CLN6: variants seen among roughly 807,000 people sequenced by gnomAD.
The protein encoded by CLN6 is ceroid-lipofuscinosis neuronal protein 6.
In CLN6, 22 loss-of-function variants were observed where a neutral mutation model predicts 33.3. The ratio of observed to expected loss-of-function variants is 0.66; its 90% CI spans 0.47 to 0.94. The LOEUF is 0.94. Among genes scored for constraint, CLN6 ranks in the 40% least tolerant of loss-of-function variants. The pLI, the probability that CLN6 is intolerant of heterozygous loss-of-function variation, is 0.00. For synonymous variants in CLN6, 201 were observed against 174.6 expected (o/e 1.15, Z -1.19); for missense variants, 387 against 417.1 (o/e 0.93, Z 0.63).
In CLN6 at chr15:68,211,911, T is replaced by A; in HGVS notation, c.298-48A>T. The A allele has an allele frequency of 6.4e-7, 1 of 1,553,684 alleles. No individual in the cohort carries two copies. Among genetic ancestry groups the A allele is most frequent in the Non-Finnish European group, 8.9e-7 (1 of 1,128,398 alleles). On this transcript the variant is annotated intron_variant, in intron 3 of 6. Transcript: ENST00000249806. The surrounding 1 kb of genome is among the most constrained non-coding windows in gnomAD (Gnocchi z 5.9). ...CAGCATGACCCCACCTCTGTCACAG[T>A]ATGTGACACCCTCTGCTTCCCCCCT...
At position 68,251,859 on chromosome 15, in the gene CLN6, GGTT is replaced by G. The variant is rs1373815788; in HGVS notation, c.179+4828_179+4830del. ...TAGAATTAATAAGAGAGTCCAGCAA[GGTT>G]GTTAACTGCAAAAATGCAAAACTGG... On this transcript the variant is annotated intron_variant, in intron 1 of 6. Transcript: ENST00000538696. 2.6e-5 allele frequency among the ~76,000 whole-genome samples: 4 copies of G among 151,990 alleles called. No individual in the cohort carries two copies. The East Asian group carries it at 7.7e-4, about 29-fold the overall frequency.
chr15:68,237,299 G>A (rs1892230209), intron 1 of CLN6, among the ~76,000 whole-genome samples: 1 of 150,536 alleles, frequency 6.6e-6, no homozygotes, highest in Non-Finnish European at 1.5e-5. Flanking sequence ...GGGCAACATA[G>A]CGAGACCCCT....
rs1203183275 is a variant in CLN6 at position 68,209,776 on chromosome 15, A to G, written c.543-17T>C. On this transcript the variant is annotated splice_polypyrimidine_tract_variant and intron_variant, in intron 5 of 6. Transcript: ENST00000249806. The surrounding 1 kb of genome is among the most constrained non-coding windows in gnomAD (Gnocchi z 4.9). ...GGGATGTACCTGTGACAGGAAGGCCAGTGTCTTAGAGGCCTGCTCAGCGGC... is the reference window on the plus strand; with the variant it reads ...GGGATGTACCTGTGACAGGAAGGCCGGTGTCTTAGAGGCCTGCTCAGCGGC... The G allele has an allele frequency of 3.1e-6, 5 of 1,612,286 alleles. No homozygotes were observed.
At chr15:68,231,001 C>T (rs1320618160), upstream of CLN6, among the ~76,000 whole-genome samples, 1 of 152,236 alleles carries the variant, frequency 6.6e-6, no homozygotes, top group Non-Finnish European at 1.5e-5. Context: ...GCCTCAGATG[C>T]AAATGCAATG....
chr15:68,216,873 T>A (rs760786298), intron 2 of CLN6, among the ~76,000 whole-genome samples: 18 of 152,224 alleles, frequency 1.2e-4, no homozygotes, highest in Non-Finnish European at 2.5e-4. Context: ...TCTGGATATT[T>A]ATGTGACAGA....
At position 68,219,380 on chromosome 15, in the gene CLN6, C is replaced by A. The variant is rs2093229241; in HGVS notation, c.84-730G>T. 6.6e-6 allele frequency among the ~76,000 whole-genome samples: 1 copy of A among 152,150 alleles called. No individual in the cohort carries two copies. The highest frequency in any genetic ancestry group is 2.4e-5 in the African/African-American group (1 of 41,416). On this transcript the variant is annotated intron_variant, in intron 1 of 6. Coordinates refer to ENST00000249806, the MANE Select transcript of CLN6 (RefSeq NM_017882.3). This position sits in a 1 kb window ranked among gnomAD's most constrained non-coding sequence, Gnocchi z 4.2. Reference sequence around the variant, plus strand: ...ACTGTGAGGAGGTCAGGTTGGGCTGCTGGTAATCCTCTTCTCAGCAGTCCA... The same window carrying A: ...ACTGTGAGGAGGTCAGGTTGGGCTGATGGTAATCCTCTTCTCAGCAGTCCA...
upstream of CLN6, among the ~76,000 whole-genome samples, chr15:68,233,518 C>T (rs911442600): frequency 3.3e-5 from 5 of 152,214 alleles, no homozygotes; most frequent in Admixed American, 6.5e-5. The surrounding 1 kb of genome is among the most constrained non-coding windows in gnomAD (Gnocchi z 4.3). Flanking sequence ...ATCCAGTCTC[C>T]ACTCCTAATC....
Position 68,247,843 on chromosome 15 carries a change from A to C in CLN6, c.179+8847T>G, listed in dbSNP as rs1892342200. 6.6e-6 allele frequency among the ~76,000 whole-genome samples: 1 copy of C among 152,126 alleles called. No homozygotes were observed. Among genetic ancestry groups the C allele is most frequent in the Non-Finnish European group, 1.5e-5 (1 of 68,034 alleles). Reference sequence around the variant, plus strand: ...CAGGAGTTCAAAACCAGCCCAGCCAACATGGCAAAACCCCATCTCTACTAA... The same window carrying C: ...CAGGAGTTCAAAACCAGCCCAGCCACCATGGCAAAACCCCATCTCTACTAA... On this transcript the variant is annotated intron_variant, in intron 1 of 6. Transcript: ENST00000538696. The surrounding 1 kb of genome is among the most constrained non-coding windows in gnomAD (Gnocchi z 4.2).
chr15:68,231,272 C>T (rs1365915759), upstream of CLN6, among the ~76,000 whole-genome samples: 1 of 152,186 alleles, frequency 6.6e-6, no homozygotes, highest in African/African-American at 2.4e-5. Context: ...CCCCCTCCGC[C>T]CCTGGTCCCC....
chr15:68,209,500 G>T lies in CLN6; in HGVS notation c.665+137C>A, dbSNP rs2093198356. The T allele has an allele frequency of 2.4e-6, 3 of 1,224,754 alleles. No individual in the cohort carries two copies. Among genetic ancestry groups the T allele is most frequent in the Non-Finnish European group, 3.5e-6 (3 of 846,494 alleles). The allele number at this position is 1,224,754 out of a possible 1,614,324, so 75.9% of individuals were successfully genotyped here. On this transcript the variant is annotated intron_variant, in intron 6 of 6. Coordinates refer to ENST00000249806, the MANE Select transcript of CLN6 (RefSeq NM_017882.3). This position sits in a 1 kb window ranked among gnomAD's most constrained non-coding sequence, Gnocchi z 4.9. ...CAGGGCATTGTCACAGTCCCCACTA[G>T]ACACAAGAAGAAGCACGGGCCCAAA...
In CLN6 at chr15:68,245,484, G is replaced by C. The variant is rs535571070; in HGVS notation, c.179+11206C>G. On this transcript the variant is annotated intron_variant, in intron 1 of 6. Transcript: ENST00000538696. ...GGTGGCTGAGGTGGGAGGATCACCTGAGTCGAGGGAAGTTGAGGTTGCAGT... is the reference window on the plus strand; with the variant it reads ...GGTGGCTGAGGTGGGAGGATCACCTCAGTCGAGGGAAGTTGAGGTTGCAGT... 2.6e-5 allele frequency among the ~76,000 whole-genome samples: 4 copies of C among 152,172 alleles called. No individual in the cohort carries two copies. The East Asian group carries it at 7.7e-4, about 29-fold the overall frequency.
At chr15:68,213,413 TG>T (rs2093211661) in intron 3 of CLN6, 1 of 151,920 alleles carries the variant, frequency 6.6e-6, no homozygotes, top group Admixed American at 6.5e-5. Context: ...TACTTTTTTT[TG>T]TATTTTTAGT....
At chr15:68,214,519 T>A in intron 2 of CLN6, 131 bp from the exon 3 acceptor site, 1 of 695,018 alleles carries the variant, frequency 1.4e-6, no homozygotes, top group Non-Finnish European at 2.7e-6. Context: ...TACACTTAAT[T>A]CTTCCTGTGA....
Position 68,208,094 on chromosome 15 carries a change from GC to G in CLN6, c.*45del. On this transcript the variant is annotated 3_prime_UTR_variant, in exon 7 of 7. Transcript: ENST00000249806. The surrounding 1 kb of genome is among the most constrained non-coding windows in gnomAD (Gnocchi z 5.8). ...CTCCTGTATTCAGATGCCCTCCATG[GC>G]CCACCCTCCCACCCAGCAGAGCGCC... 1.5e-6 allele frequency: 2 copies of G among 1,375,258 alleles called. No homozygotes were observed. The highest frequency in any genetic ancestry group is 2.0e-6 in the Non-Finnish European group (2 of 992,004). 85.2% of individuals were successfully genotyped at this position (1,375,258 alleles called of 1,614,324 possible). A position where few individuals can be genotyped will look rare whatever the true frequency, so the allele number is the denominator to read the frequency against.
Position 68,214,285 on chromosome 15 carries a change from A to T in CLN6, c.297+5T>A. 1 of 1,606,724 alleles carries T rather than the reference A, an allele frequency of 6.2e-7. No homozygotes were observed. Among genetic ancestry groups the T allele is most frequent in the South Asian group, 1.1e-5 (1 of 90,944 alleles). On this transcript the variant is annotated splice_donor_5th_base_variant and intron_variant, in intron 3 of 6. Transcript: ENST00000249806. ...CAGGAGAGAGTGGGGGCCCTGGGAC[A>T]GTACCTTGAGCAAGAGAAAGGGCGT... is the stretch of plus-strand genomic sequence containing the variant.
chr15:68,222,941 A>G (rs2093242021), intron 1 of CLN6, among the ~76,000 whole-genome samples: 1 of 152,142 alleles, frequency 6.6e-6, no homozygotes, highest in Non-Finnish European at 1.5e-5. Flanking sequence ...GCTCGTTAAG[A>G]GTCATCACCA....
chr15:68,218,413 C>A, intron 2 of CLN6, 123 bp downstream of exon 2: 1 of 773,814 alleles, frequency 1.3e-6, no homozygotes. Flanking sequence ...GGCATCCAGG[C>A]CTATTCTCTC....
chr15:68,251,151 T>A (rs983265366), intron 1 of CLN6, among the ~76,000 whole-genome samples: 1 of 152,070 alleles, frequency 6.6e-6, no homozygotes, highest in Admixed American at 6.6e-5. Context: ...TAACATCAAA[T>A]CCATAACTTT....
At position 68,256,480 on chromosome 15, in the gene CLN6, T is replaced by C. The variant is rs1440692671; in HGVS notation, c.179+210A>G. On this transcript the variant is annotated intron_variant, in intron 1 of 6. Transcript: ENST00000538696. This position sits in a 1 kb window ranked among gnomAD's most constrained non-coding sequence, Gnocchi z 4.1. ...TATGTGGCTCGCACTGTATTTCTGT[T>C]GGGCAGCACTGCTCTAGCCGTTATT... Among the ~76,000 whole-genome samples the C allele has an allele frequency of 7.2e-6, 1 of 139,500 alleles. No individual in the cohort carries two copies. The highest frequency in any genetic ancestry group is 1.6e-5 in the Non-Finnish European group (1 of 63,554). 91.5% of individuals were successfully genotyped at this position (139,500 alleles called of 152,430 possible).
Sources: allele counts gnomAD v4.1 joint callset (sites outside exome capture counted in the v4.1 genomes callset), GRCh38; gene constraint gnomAD v4.1.1; non-coding constraint Gnocchi (gnomAD v3.1); transcripts MANE v1.5; gene names NCBI Gene and HGNC (gene_info 2026-07-23, HGNC 2026-07-21).